The following SLC41A2 variants were observed in gnomAD, a reference collection of about 807,000 sequenced individuals.
SLC41A2 encodes SLC41A1-like 1.
SLC41A2 carries 32 observed loss-of-function variants against 58.3 expected under a neutral mutation model. The observed-to-expected ratio is 0.55, with a 90% CI of 0.41 to 0.74. The LOEUF (loss-of-function observed/expected upper bound fraction) is 0.74, where lower values mean the gene tolerates loss of function less well. Ranked by LOEUF, SLC41A2 falls within the 30% of genes least tolerant of loss-of-function variation. The pLI is 0.00. For synonymous variants in SLC41A2, 190 were observed against 235.0 expected, an observed-to-expected ratio of 0.81 and a Z score of 1.75; for missense variants, 514 against 680.6, an observed-to-expected ratio of 0.76 and a Z score of 2.72.
intron 6 of SLC41A2, among the ~76,000 whole-genome samples, chr12:104,872,854 T>C (rs142461389): frequency 0.012 from 1,777 of 152,348 alleles, 67 homozygotes; most frequent in Admixed American, 0.083. Flanking sequence ...CTCAGAATTC[T>C]AAGTAGTTGA....
intron 1 of SLC41A2, among the ~76,000 whole-genome samples, chr12:104,939,558 A>T (rs937772849): frequency 1.3e-4 from 20 of 152,310 alleles, no homozygotes; most frequent in Admixed American, 5.2e-4. Context: ...ATGTATGTGG[A>T]TTTACCAAAC....
At chr12:104,927,393 A>G (rs903238400) in intron 2 of SLC41A2, among the ~76,000 whole-genome samples, 1 of 152,204 alleles carries the variant, frequency 6.6e-6, no homozygotes, top group Admixed American at 6.5e-5. Context: ...ATCTTTGTAT[A>G]CCAATTTGGA....
intron 10 of SLC41A2, among the ~76,000 whole-genome samples, chr12:104,825,978 C>G (rs1485465720): frequency 6.6e-6 from 1 of 152,202 alleles, no homozygotes; most frequent in African/African-American, 2.4e-5. Context: ...CACCTACGGC[C>G]AGCACCTGCC....
chr12:104,944,462 T>C (rs148424207), intron 1 of SLC41A2, among the ~76,000 whole-genome samples: 8 of 152,352 alleles, frequency 5.3e-5, no homozygotes, highest in African/African-American at 1.9e-4. Flanking sequence ...AGAAACTAAA[T>C]TGAGATTACG....
intron 2 of SLC41A2, among the ~76,000 whole-genome samples, chr12:104,910,733 T>C (rs529665354): frequency 1.4e-4 from 22 of 152,120 alleles, no homozygotes; most frequent in Admixed American, 1.0e-3. Context: ...AGATACCAAA[T>C]TCCAAACAGT....
chr12:104,942,794 T>C lies in SLC41A2; in HGVS notation c.-167-14100A>G, dbSNP rs145647835. 4.0e-3 allele frequency among the ~76,000 whole-genome samples: 609 copies of C among 152,350 alleles called. 2 individuals carry two copies. Among genetic ancestry groups the C allele is most frequent in the Non-Finnish European group, 6.5e-3 (441 of 68,028 alleles). The stretch of plus-strand genomic sequence containing the variant: ...GGTACTCTGTAAGTTGTATTATTTA[T>C]GTTTTATTCTTACGTACTCTATCTT... On this transcript the variant is annotated intron_variant, in intron 1 of 10. Coordinates refer to ENST00000258538, the MANE Select transcript of SLC41A2 (RefSeq NM_001352171.3).
chr12:104,809,872 C>T (rs1337114766), intron 10 of SLC41A2, among the ~76,000 whole-genome samples: 1 of 152,116 alleles, frequency 6.6e-6, no homozygotes, highest in African/African-American at 2.4e-5. Context: ...CCATGGGACC[C>T]CCCCAGTGAG....
chr12:104,957,994 C>G (rs1409725405), intron 1 of SLC41A2, 94 bp downstream of exon 1: 1 of 151,710 alleles, frequency 6.6e-6, no homozygotes, highest in Non-Finnish European at 1.5e-5. Flanking sequence ...CGCCGGGTCC[C>G]GAGCCCAGGC....
chr12:104,922,074 A>G (rs2046621416), intron 2 of SLC41A2, among the ~76,000 whole-genome samples: 1 of 152,236 alleles, frequency 6.6e-6, no homozygotes. Flanking sequence ...ACTAGAGAAA[A>G]ATCACAAACG....
At chr12:104,842,788 A>G (rs921678814) in intron 10 of SLC41A2, among the ~76,000 whole-genome samples, 2 of 152,120 alleles carry the variant, frequency 1.3e-5, no homozygotes, top group African/African-American at 4.8e-5. Flanking sequence ...TAGAAAAATT[A>G]CTTATATCCT....
intron 2 of SLC41A2, among the ~76,000 whole-genome samples, chr12:104,914,535 A>C (rs889709831): frequency 1.3e-5 from 2 of 152,218 alleles, no homozygotes; most frequent in Non-Finnish European, 2.9e-5. Context: ...ATGTTAAGCC[A>C]CCTTGAGCTA....
rs139742297 is a variant in SLC41A2 at position 104,938,789 on chromosome 12, GTA to G, written c.-167-10097_-167-10096del. ...GACCTAACAAAAGCTAACTTAAAAA[GTA>G]TATGTTTTAAAAAGTAATCTGACCC... On this transcript the variant is annotated intron_variant, in intron 1 of 10. Transcript: ENST00000258538. Among the ~76,000 whole-genome samples, 1,253 of 152,284 alleles carry G rather than the reference GTA, an allele frequency of 8.2e-3. 32 individuals carry two copies. The East Asian group carries it at 0.11, about 13-fold the overall frequency.
In SLC41A2 at chr12:104,827,360, C is replaced by A. The variant is rs575837847; in HGVS notation, c.1536+17112G>T. 2.6e-4 allele frequency among the ~76,000 whole-genome samples: 39 copies of A among 152,262 alleles called. 1 individual carries two copies. In the South Asian group the frequency reaches 7.2e-3, roughly 28 times the overall value. On this transcript the variant is annotated intron_variant, in intron 10 of 10. Coordinates refer to ENST00000258538, the MANE Select transcript of SLC41A2 (RefSeq NM_001352171.3). The stretch of plus-strand genomic sequence containing the variant: ...GAGGCCCAGCAAAGGGAGAGAAATG[C>A]AGGAAAGAGAAAGAAGCTTTAATGG...
intron 10 of SLC41A2, among the ~76,000 whole-genome samples, chr12:104,821,369 G>T (rs374485759): frequency 6.6e-6 from 1 of 151,876 alleles, no homozygotes; most frequent in Non-Finnish European, 1.5e-5. Context: ...CTTATAATAC[G>T]TTCCAGGAGA....
chr12:104,895,241 C>T, intron 4 of SLC41A2, 33 bp downstream of exon 4: 1 of 1,536,160 alleles, frequency 6.5e-7, no homozygotes, highest in Non-Finnish European at 9.0e-7. Context: ...TTTGTACACC[C>T]AAGATCTGTA....
chr12:104,826,368 T>C (rs972791867), intron 10 of SLC41A2, among the ~76,000 whole-genome samples: 2 of 152,228 alleles, frequency 1.3e-5, no homozygotes, highest in African/African-American at 2.4e-5. Flanking sequence ...TGAGGTCCCA[T>C]ACGTGCAGGC....
chr12:104,912,339 G>T (rs1260534621), intron 2 of SLC41A2, among the ~76,000 whole-genome samples: 3 of 152,178 alleles, frequency 2.0e-5, no homozygotes, highest in Non-Finnish European at 4.4e-5. Flanking sequence ...ATTATTAGAG[G>T]ACTGGGACTT....
At chr12:104,934,797 T>C (rs2047196866) in intron 1 of SLC41A2, among the ~76,000 whole-genome samples, 1 of 152,190 alleles carries the variant, frequency 6.6e-6, no homozygotes, top group South Asian at 2.1e-4. Context: ...AGAAAAATAT[T>C]GTACTTATGT....
At chr12:104,893,653 C>T (rs981520127) in intron 4 of SLC41A2, among the ~76,000 whole-genome samples, 5 of 152,148 alleles carry the variant, frequency 3.3e-5, no homozygotes, top group Non-Finnish European at 5.9e-5. Context: ...GGTACTTATA[C>T]AAAATGGAGC....
Sources: allele counts gnomAD v4.1 joint callset (sites outside exome capture counted in the v4.1 genomes callset), GRCh38; gene constraint gnomAD v4.1.1; transcripts MANE v1.5; gene names NCBI Gene and HGNC (gene_info 2026-07-23, HGNC 2026-07-21).